Variants in MAP7 observed in about 807,000 individuals in gnomAD.
The protein encoded by MAP7 is ensconsin.
MAP7 carries 52 observed loss-of-function variants against 94.8 expected under a neutral mutation model. The ratio of observed to expected loss-of-function variants is 0.55; its 90% CI spans 0.44 to 0.69. The LOEUF is 0.69. Ranked by LOEUF, MAP7 falls within the 30% of genes least tolerant of loss-of-function variation. The pLI is 0.00. For synonymous variants in MAP7, 350 were observed against 357.0 expected (o/e 0.98, Z 0.22); for missense variants, 940 against 964.6 (o/e 0.97, Z 0.34).
chr6:136,452,371 TAG>T (rs1377987780), intron 1 of MAP7, among the ~76,000 whole-genome samples: 1 of 152,100 alleles, frequency 6.6e-6, no homozygotes, highest in African/African-American at 2.4e-5. Context: ...TACACAAACT[TAG>T]AGAGGAACTG....
rs754821923 is a variant in MAP7, at chr6:136,434,035, G to A, written c.68-12236C>T. Among the ~76,000 whole-genome samples the A allele has an allele frequency of 1.4e-4, 22 of 152,184 alleles. No homozygotes were observed. In the South Asian group the frequency reaches 1.9e-3, roughly 13 times the overall value. On this transcript the variant is annotated intron_variant, in intron 1 of 17. Transcript: ENST00000354570. ...GATGCTACACAAACTGGCTGGGCAC[G>A]GTGGCTCACACCTGTAACCACAGCA...
chr6:136,520,215 A>AGG (rs1562483599), intron 1 of MAP7, among the ~76,000 whole-genome samples: 4 of 150,578 alleles, frequency 2.7e-5, no homozygotes, highest in African/African-American at 9.9e-5. Context: ...AAAAAAAAAA[A>AGG]AGGGGGGAGG....
At chr6:136,425,537 G>T (rs1336442359) in intron 1 of MAP7, among the ~76,000 whole-genome samples, 5 of 152,006 alleles carry the variant, frequency 3.3e-5, no homozygotes, top group African/African-American at 1.2e-4. Flanking sequence ...ACCATATCAG[G>T]CCTGAGACTG....
chr6:136,415,481 A>G (rs1789079621), intron 2 of MAP7, among the ~76,000 whole-genome samples: 1 of 152,198 alleles, frequency 6.6e-6, no homozygotes, highest in African/African-American at 2.4e-5. Flanking sequence ...CATGGGACAC[A>G]TGCCACTCCT....
At chr6:136,371,805 G>A (rs1485504868) in intron 8 of MAP7, among the ~76,000 whole-genome samples, 2 of 152,170 alleles carry the variant, frequency 1.3e-5, no homozygotes, top group Non-Finnish European at 2.9e-5. Context: ...CAAAGAAGAA[G>A]ATTCCTGGAG....
intron 1 of MAP7, among the ~76,000 whole-genome samples, chr6:136,482,484 C>A (rs1360994915): frequency 6.6e-6 from 1 of 151,960 alleles, no homozygotes; most frequent in African/African-American, 2.4e-5. Context: ...GCCTGTAATC[C>A]CAGCCACTCG....
At chr6:136,464,331 T>C (rs1562431324) in intron 1 of MAP7, among the ~76,000 whole-genome samples, 1 of 152,242 alleles carries the variant, frequency 6.6e-6, no homozygotes, top group Non-Finnish European at 1.5e-5. Flanking sequence ...CTGAGGTTCC[T>C]GCTACCTGTG....
intron 1 of MAP7, among the ~76,000 whole-genome samples, chr6:136,473,722 C>T (rs2128944004): frequency 6.6e-6 from 1 of 152,230 alleles, no homozygotes; most frequent in East Asian, 1.9e-4. Flanking sequence ...AGGGTAAATT[C>T]CTCAAGAGGA....
At chr6:136,361,253 G>A in intron 11 of MAP7, 74 bp from the exon 12 acceptor site, 1 of 1,505,322 alleles carries the variant, frequency 6.6e-7, no homozygotes, top group South Asian at 1.2e-5. Flanking sequence ...CTCCGTCGGT[G>A]GTTCTGTAGG....
chr6:136,395,010 A>T (rs1448776904), intron 3 of MAP7, among the ~76,000 whole-genome samples: 1 of 139,714 alleles, frequency 7.2e-6, no homozygotes, highest in Non-Finnish European at 1.5e-5. Context: ...ATGGACACTT[A>T]GGTTACTTCT....
chr6:136,345,563 C>G (rs1026115652), intron 17 of MAP7, among the ~76,000 whole-genome samples: 2 of 152,210 alleles, frequency 1.3e-5, no homozygotes, highest in Middle Eastern at 3.2e-3. Flanking sequence ...TCTGAGCATG[C>G]ATGATGTCGG....
intron 1 of MAP7, among the ~76,000 whole-genome samples, chr6:136,478,511 A>G (rs1811666737): frequency 6.6e-6 from 1 of 152,138 alleles, no homozygotes; most frequent in African/African-American, 2.4e-5. Context: ...TAACAAAATG[A>G]AGCACTGGTT....
intron 1 of MAP7, among the ~76,000 whole-genome samples, chr6:136,522,056 A>C (rs886625906): frequency 6.6e-6 from 1 of 152,236 alleles, no homozygotes; most frequent in Non-Finnish European, 1.5e-5. Context: ...ATGCTGGTTT[A>C]GGAGGAAAAT....
chr6:136,354,895 A>G (rs1790431923), intron 16 of MAP7, among the ~76,000 whole-genome samples: 2 of 152,224 alleles, frequency 1.3e-5, no homozygotes, highest in South Asian at 4.1e-4. Context: ...GCATAAATTA[A>G]CTTTATAGAT....
chr6:136,365,846 C>T lies in MAP7; in HGVS notation c.1162G>A (p.Glu388Lys), dbSNP rs369414732. ...GGCTCATTGGCAACTTTCTGAGGTT[C>T]CTTCTCAGGATCTTTCTTCTCAGGC... The part of the protein sequence containing the change: ...VEPEKKDPEK[E>K]PQKVANEPSL... The change falls in exon 10 of 18, where the codon GAA (glutamate) becomes AAA (lysine). Residue 388 changes from glutamate (E) to lysine (K), a missense_variant. By Grantham distance (56) the Glu-to-Lys change is moderately conservative. Transcript: ENST00000354570. The T allele has an allele frequency of 6.2e-7, 1 of 1,614,148 alleles. No individual in the cohort carries two copies. Among genetic ancestry groups the T allele is most frequent in the Non-Finnish European group, 8.5e-7 (1 of 1,180,020 alleles).
At chr6:136,387,302 T>TA (rs1189559827) in intron 5 of MAP7, among the ~76,000 whole-genome samples, 1 of 152,080 alleles carries the variant, frequency 6.6e-6, no homozygotes, top group Non-Finnish European at 1.5e-5. Context: ...TTTTTTTAGC[T>TA]AAAAAACATT....
chr6:136,434,697 G>GAACATCTGAACCTACTAAACACC, intron 1 of MAP7, among the ~76,000 whole-genome samples: 1 of 149,644 alleles, frequency 6.7e-6, no homozygotes, highest in Non-Finnish European at 1.5e-5. Flanking sequence ...ACATCTAAAT[G>GAACATCTGAACCTACTAAACACC]TAGTAACAAA....
At chr6:136,493,905 T>C (rs1817462593) in intron 1 of MAP7, among the ~76,000 whole-genome samples, 1 of 152,200 alleles carries the variant, frequency 6.6e-6, no homozygotes, top group Non-Finnish European at 1.5e-5. Context: ...GGGAGACTAT[T>C]ATTTAAGCTT....
intron 1 of MAP7, among the ~76,000 whole-genome samples, chr6:136,447,554 A>C (rs1003284346): frequency 6.6e-6 from 1 of 152,218 alleles, no homozygotes; most frequent in African/African-American, 2.4e-5. Context: ...TTAAAAACTT[A>C]AACAGGAAAA....
Sources: gnomAD v4.1 joint callset for allele counts (sites outside exome capture counted in the v4.1 genomes callset) on GRCh38, gnomAD v4.1.1 for gene constraint, MANE v1.5 for transcripts, NCBI Gene and HGNC (gene_info 2026-07-23, HGNC 2026-07-21) for gene names.